Variants in CDCP1 observed in about 807,000 individuals in gnomAD.
The protein encoded by CDCP1 is CUB domain containing protein 1.
A neutral mutation model predicts 60.2 loss-of-function variants in CDCP1; 29 were observed. The ratio of observed to expected loss-of-function variants is 0.48; its 90% CI spans 0.36 to 0.66. CDCP1 has a LOEUF of 0.66. Ranked by LOEUF, CDCP1 falls within the 30% of genes least tolerant of loss-of-function variation. The pLI is 0.00. For missense variants in CDCP1, 876 were observed against 1,074.3 expected, an observed-to-expected ratio of 0.82 and a Z score of 2.58; for synonymous variants, 387 against 431.1, an observed-to-expected ratio of 0.90 and a Z score of 1.27.
intron 1 of CDCP1, among the ~76,000 whole-genome samples, chr3:45,141,658 G>A (rs1347839229): frequency 6.6e-6 from 1 of 152,196 alleles, no homozygotes; most frequent in Non-Finnish European, 1.5e-5. Context: ...TGATGGACCA[G>A]ATACAAACCC....
At chr3:45,134,401 G>T (rs1699158544) in intron 1 of CDCP1, among the ~76,000 whole-genome samples, 3 of 152,208 alleles carry the variant, frequency 2.0e-5, no homozygotes, top group Admixed American at 2.0e-4. Flanking sequence ...TGGGATTACA[G>T]GCGCGGGCCA....
At chr3:45,124,031 T>C (rs1698932221) in intron 1 of CDCP1, among the ~76,000 whole-genome samples, 1 of 152,166 alleles carries the variant, frequency 6.6e-6, no homozygotes, top group African/African-American at 2.4e-5. Context: ...CTCTCCTTAT[T>C]AGGACACCTT....
intron 5 of CDCP1, among the ~76,000 whole-genome samples, chr3:45,094,733 G>A (rs1698365527): frequency 6.6e-6 from 1 of 152,012 alleles, no homozygotes; most frequent in Non-Finnish European, 1.5e-5. Context: ...GATGGGGATG[G>A]GAGAGGCTGG....
At chr3:45,097,236 G>A (rs1698415747) in intron 4 of CDCP1, among the ~76,000 whole-genome samples, 1 of 151,890 alleles carries the variant, frequency 6.6e-6, no homozygotes, top group Non-Finnish European at 1.5e-5. Flanking sequence ...GAACCCAGGA[G>A]GTGGAGGTTG....
intron 1 of CDCP1, among the ~76,000 whole-genome samples, chr3:45,145,068 T>C (rs767700892): frequency 2.6e-5 from 4 of 152,150 alleles, no homozygotes; most frequent in Non-Finnish European, 4.4e-5. Context: ...TATGCAGCAA[T>C]ATGTCACCTG....
chr3:45,088,439 T>C (rs538467095), intron 8 of CDCP1, among the ~76,000 whole-genome samples: 3 of 152,022 alleles, frequency 2.0e-5, no homozygotes, highest in South Asian at 4.1e-4. Flanking sequence ...TGAACCGAGA[T>C]TGCACCACTG....
rs764957540 is a variant in CDCP1 at position 45,091,253 on chromosome 3, A to C, written c.1913T>G (p.Val638Gly). The C allele has an allele frequency of 6.2e-7, 1 of 1,613,644 alleles. No individual in the cohort carries two copies. Among genetic ancestry groups the C allele is most frequent in the Non-Finnish European group, 8.5e-7 (1 of 1,179,978 alleles). ...KPSFHHHSFW[V>G]NISNCSPTSG... is the part of the protein sequence containing the mutation. Reference sequence around the variant, plus strand: ...CGTGGGGCTGCAGTTAGAGATGTTGACCCAGAAGCTGTGATGGTGGAAGCT... The same window carrying C: ...CGTGGGGCTGCAGTTAGAGATGTTGCCCCAGAAGCTGTGATGGTGGAAGCT... Residue 638 changes from valine (V) to glycine (G), a missense_variant, in exon 7 of 9, where the codon GTC becomes GGC. Val to Gly is a moderately radical substitution (Grantham distance 109). This residue lies in a region of CDCP1 where 726 missense variants were observed against 935.7 expected (regional missense o/e 0.78). Coordinates refer to ENST00000296129, the MANE Select transcript of CDCP1 (RefSeq NM_022842.5). The surrounding 1 kb of genome is among the most constrained non-coding windows in gnomAD (Gnocchi z 4.8).
rs1385544089 is a variant in CDCP1 at position 45,095,529 on chromosome 3, A to G, written c.1064T>C (p.Met355Thr). The G allele has an allele frequency of 6.2e-7, 1 of 1,614,134 alleles. No individual in the cohort carries two copies. Among genetic ancestry groups the G allele is most frequent in the Non-Finnish European group, 8.5e-7 (1 of 1,180,024 alleles). The change falls in exon 5 of 9, where the codon ATG becomes ACG. Residue 355 changes from methionine (M) to threonine (T), a missense_variant. Physicochemically the swap from Met to Thr is moderately conservative, Grantham distance 81 (BLOSUM62 -1). Transcript: ENST00000296129. Reference protein sequence around the residue: ...YVVDLSNERAMSLTIEPRPVK... With the variant: ...YVVDLSNERATSLTIEPRPVK... ...GGGCCGTGGCTCGATGGTGAGTGAC[A>G]TGGCTCGCTCATTACTCAAGTCAAC...
chr3:45,101,448 A>C (rs1191986223), intron 4 of CDCP1, among the ~76,000 whole-genome samples: 3 of 152,158 alleles, frequency 2.0e-5, no homozygotes, highest in African/African-American at 7.2e-5. Flanking sequence ...GGTTGCACTG[A>C]GGAGACAAGA....
chr3:45,091,211 T>C lies in CDCP1; in HGVS notation c.1955A>G (p.Asp652Gly). The change falls in exon 7 of 9, where the codon GAC becomes GGC. Residue 652 changes from aspartate (D) to glycine (G), a missense_variant. Physicochemically the swap from Asp to Gly is moderately conservative, Grantham distance 94 (BLOSUM62 -1). This residue lies in a region of CDCP1 where 726 missense variants were observed against 935.7 expected (regional missense o/e 0.78). Transcript: ENST00000296129. The surrounding 1 kb of genome is among the most constrained non-coding windows in gnomAD (Gnocchi z 4.8). ...GGTAAGTGTCACCGAGAAGAGCAGG[T>C]CTAGCTGCTTGCCGCTCGTGGGGCT... ...NCSPTSGKQL[D>G]LLFSVTLTPR... 1 of 1,612,240 alleles carries C rather than the reference T, an allele frequency of 6.2e-7. No individual in the cohort carries two copies. Among genetic ancestry groups the C allele is most frequent in the Non-Finnish European group, 8.5e-7 (1 of 1,179,520 alleles).
intron 2 of CDCP1, among the ~76,000 whole-genome samples, chr3:45,117,958 G>A (rs1036172978): frequency 1.3e-5 from 2 of 152,190 alleles, no homozygotes; most frequent in East Asian, 1.9e-4. Context: ...CACCACGCCC[G>A]GCCTCTCCTC....
chr3:45,118,242 G>C (rs4683048), intron 2 of CDCP1, among the ~76,000 whole-genome samples, 170 bp downstream of exon 2: 116,148 of 152,152 alleles, frequency 0.76, 44,846 homozygotes, highest in Middle Eastern at 0.89. Flanking sequence ...GCTGTGTAAC[G>C]CATTTAGAAC....
intron 4 of CDCP1, among the ~76,000 whole-genome samples, chr3:45,101,135 C>A (rs965111967): frequency 1.3e-5 from 2 of 152,192 alleles, no homozygotes; most frequent in Admixed American, 6.5e-5. Context: ...AGTGCTGAGG[C>A]TTCTCTCAGA....
At position 45,085,736 on chromosome 3, in the gene CDCP1, G is replaced by C. The variant is rs780624809; in HGVS notation, c.2413C>G (p.Pro805Ala). The change falls in exon 9 of 9, where the codon CCG becomes GCG. Residue 805 changes from proline to alanine, a missense_variant. Pro to Ala is a conservative substitution (Grantham distance 27). Transcript: ENST00000296129. The surrounding 1 kb of genome is among the most constrained non-coding windows in gnomAD (Gnocchi z 4.2). ...PRSPPESESE[P>A]YTFSHPNNGD... ...TTGTTGGGATGGGAGAAGGTGTACG[G>C]TTCACTCTCAGACTCAGGAGGGGAG... The C allele has an allele frequency of 4.3e-6, 7 of 1,614,162 alleles. No homozygotes were observed. Among genetic ancestry groups the C allele is most frequent in the Non-Finnish European group, 3.4e-6 (4 of 1,180,030 alleles).
At chr3:45,096,164 G>C (rs1698394395) in intron 4 of CDCP1, among the ~76,000 whole-genome samples, 1 of 152,230 alleles carries the variant, frequency 6.6e-6, no homozygotes, top group South Asian at 2.1e-4. Context: ...ATGGGAATTA[G>C]TAAAAGAATG....
intron 5 of CDCP1, among the ~76,000 whole-genome samples, chr3:45,095,123 G>A (rs988802313): frequency 6.6e-6 from 1 of 152,040 alleles, no homozygotes; most frequent in African/African-American, 2.4e-5. Context: ...TAGTAAAGAT[G>A]GGGTTTTACC....
At chr3:45,106,081 C>T (rs1698560058) in intron 4 of CDCP1, among the ~76,000 whole-genome samples, 1 of 152,164 alleles carries the variant, frequency 6.6e-6, no homozygotes, top group Non-Finnish European at 1.5e-5. Flanking sequence ...GAAAAATACT[C>T]CCTACAGGAG....
intron 4 of CDCP1, chr3:45,110,123 A>C: frequency 1.1e-6 from 1 of 945,952 alleles, no homozygotes; most frequent in African/African-American, 1.7e-5. Context: ...TAAAACTGTA[A>C]GTTCCCATCA....
rs142365635 is a variant in CDCP1, at chr3:45,112,396, C to T, written c.342G>A (p.Ser114=). 28 of 1,614,076 alleles carry T rather than the reference C, an allele frequency of 1.7e-5. No individual in the cohort carries two copies. The Middle Eastern group carries it at 4.9e-4, about 28-fold the overall frequency. ...CPFGEVQLQP[S]TSLLPTLNRT... ...TGTTGAGGGTAGGCAACAACGATGT[C>T]GAGGGCTGAAGCTGAACCTCCCCAA... Residue 114 remains serine, a synonymous_variant, in exon 3 of 9, where the codon TCG becomes TCA. Coordinates refer to ENST00000296129, the MANE Select transcript of CDCP1 (RefSeq NM_022842.5).
Sources: allele counts gnomAD v4.1 joint callset (sites outside exome capture counted in the v4.1 genomes callset), GRCh38; gene constraint gnomAD v4.1.1; regional missense constraint gnomAD v4.1.1; non-coding constraint Gnocchi (gnomAD v3.1); transcripts MANE v1.5; gene names NCBI Gene and HGNC (gene_info 2026-07-23, HGNC 2026-07-21).